Variants in RORA observed in about 807,000 individuals in gnomAD.
RORA encodes the protein nuclear receptor ROR-alpha.
In RORA, 7 loss-of-function variants were observed where a neutral mutation model predicts 69.5. The ratio of observed to expected loss-of-function variants is 0.10; its 90% CI spans 0.06 to 0.19. The LOEUF is 0.19. RORA is among the 10% of genes least tolerant of loss of function. RORA has a pLI of 1.00. For missense variants in RORA, 457 were observed against 663.0 expected, an observed-to-expected ratio of 0.69 and a Z score of 3.41; for synonymous variants, 261 against 240.8, an observed-to-expected ratio of 1.08 and a Z score of -0.78.
intron 1 of RORA, among the ~76,000 whole-genome samples, chr15:60,690,351 C>T (rs1166558227): frequency 1.3e-5 from 2 of 152,196 alleles, no homozygotes; most frequent in East Asian, 3.9e-4. Flanking sequence ...GGAAGCTGTT[C>T]ACTCTGGATA....
At chr15:61,151,776 A>AT (rs1278986040) in intron 1 of RORA, among the ~76,000 whole-genome samples, 1 of 152,256 alleles carries the variant, frequency 6.6e-6, no homozygotes, top group African/African-American at 2.4e-5. Context: ...ATGTACTTTA[A>AT]ATTCAGCAGC....
intron 1 of RORA, among the ~76,000 whole-genome samples, chr15:60,828,778 T>C (rs1485976253): frequency 2.6e-5 from 4 of 152,208 alleles, no homozygotes; most frequent in Admixed American, 1.3e-4. Context: ...CTGATTCCCA[T>C]TGATTTTGAT....
At chr15:60,530,680 C>T (rs1283907654) in intron 3 of RORA, 2 of 152,164 alleles carry the variant, frequency 1.3e-5, no homozygotes, top group East Asian at 1.9e-4. Context: ...CTTGAAGTCT[C>T]TCAGTAGTCA....
At chr15:60,719,516 T>C (rs1221163112) in intron 1 of RORA, among the ~76,000 whole-genome samples, 2 of 152,208 alleles carry the variant, frequency 1.3e-5, no homozygotes, top group Non-Finnish European at 2.9e-5. Context: ...ACAACAATAC[T>C]GACTCTTGCC....
At chr15:60,728,373 A>T (rs1191668969) in intron 1 of RORA, among the ~76,000 whole-genome samples, 2 of 152,188 alleles carry the variant, frequency 1.3e-5, no homozygotes, top group Non-Finnish European at 2.9e-5. Context: ...CCTAGACAAT[A>T]CAGGATAGGA....
chr15:60,958,434 G>A (rs970204697), intron 1 of RORA, among the ~76,000 whole-genome samples: 9 of 152,164 alleles, frequency 5.9e-5, no homozygotes, highest in Admixed American at 5.9e-4. Flanking sequence ...GGAGAGGAAA[G>A]TGGGATTTTA....
chr15:60,592,538 G>A, intron 2 of RORA: 1 of 1,286,032 alleles, frequency 7.8e-7, no homozygotes, highest in Non-Finnish European at 9.8e-7. Flanking sequence ...CCCGCCCGCC[G>A]AGAGCCATCC....
chr15:60,500,500 C>T (rs1480006136), intron 9 of RORA, among the ~76,000 whole-genome samples: 1 of 152,098 alleles, frequency 6.6e-6, no homozygotes, highest in Admixed American at 6.5e-5. Flanking sequence ...AAGGTAGTAA[C>T]TTAGCAAAAG....
chr15:60,844,878 T>G (rs536819167), intron 1 of RORA, among the ~76,000 whole-genome samples: 3 of 152,324 alleles, frequency 2.0e-5, no homozygotes, highest in East Asian at 3.9e-4. Context: ...CAAAAGAATG[T>G]GCAGGAAGCC....
chr15:61,028,590 A>G (rs1895956122), intron 1 of RORA, among the ~76,000 whole-genome samples: 1 of 152,216 alleles, frequency 6.6e-6, no homozygotes, highest in Non-Finnish European at 1.5e-5. Context: ...AAACAAAAGT[A>G]GAATTGCAAC....
At chr15:60,645,815 A>ATT (rs1389337577) in intron 2 of RORA, among the ~76,000 whole-genome samples, 95 of 141,268 alleles carry the variant, frequency 6.7e-4, no homozygotes, top group African/African-American at 2.5e-3. Flanking sequence ...TTTTTTTTAA[A>ATT]AAATTAAGGG....
chr15:60,583,972 C>T (rs1425117882), intron 2 of RORA, among the ~76,000 whole-genome samples: 1 of 152,150 alleles, frequency 6.6e-6, no homozygotes, highest in Non-Finnish European at 1.5e-5. Context: ...CTTTTGGAAG[C>T]AGGATCTGTG....
intron 1 of RORA, among the ~76,000 whole-genome samples, chr15:60,767,514 G>A (rs1296936361): frequency 2.0e-5 from 3 of 152,166 alleles, no homozygotes; most frequent in Non-Finnish European, 2.9e-5. Flanking sequence ...TGGAACTAGA[G>A]CTATTAGCTT....
intron 1 of RORA, among the ~76,000 whole-genome samples, chr15:60,760,096 A>T (rs987777456): frequency 2.6e-5 from 4 of 152,086 alleles, no homozygotes; most frequent in African/African-American, 9.7e-5. Context: ...GTGTTTTTTT[A>T]AAAGGTTTTA....
intron 8 of RORA, among the ~76,000 whole-genome samples, 153 bp from the exon 9 acceptor site, chr15:60,501,222 A>T (rs2065321200): frequency 6.7e-6 from 1 of 148,440 alleles, no homozygotes; most frequent in African/African-American, 2.5e-5. Flanking sequence ...GTGGTTGAAG[A>T]TCAGAAGGAA....
chr15:60,871,639 A>G (rs2073557364), intron 1 of RORA, among the ~76,000 whole-genome samples: 1 of 152,214 alleles, frequency 6.6e-6, no homozygotes, highest in African/African-American at 2.4e-5. Context: ...TCCACTTAAG[A>G]AAGGAAGACT....
At chr15:60,759,808 T>C (rs927731689) in intron 1 of RORA, among the ~76,000 whole-genome samples, 4 of 152,150 alleles carry the variant, frequency 2.6e-5, no homozygotes, top group Admixed American at 6.6e-5. Flanking sequence ...GAAGATATGA[T>C]GGAATGGAAA....
chr15:60,852,641 T>C (rs1295718020), intron 1 of RORA, among the ~76,000 whole-genome samples: 1 of 151,986 alleles, frequency 6.6e-6, no homozygotes, highest in Non-Finnish European at 1.5e-5. Flanking sequence ...AGTTAGCAAA[T>C]AATAAAGAAC....
chr15:61,036,490 G>A (rs548986910), intron 1 of RORA, among the ~76,000 whole-genome samples: 5 of 152,132 alleles, frequency 3.3e-5, no homozygotes, highest in Non-Finnish European at 5.9e-5. Flanking sequence ...TGGGCGTCCC[G>A]TGCAGCACGC....
Sources: gnomAD v4.1 joint callset for allele counts (sites outside exome capture counted in the v4.1 genomes callset) on GRCh38, gnomAD v4.1.1 for gene constraint, MANE v1.5 for transcripts, NCBI Gene and HGNC (gene_info 2026-07-23, HGNC 2026-07-21) for gene names.